The following PLA1A variants were observed in gnomAD, a reference collection of about 807,000 sequenced individuals.
The protein encoded by PLA1A is phosphatidylserine-specific phospholipase A1alpha.
PLA1A carries 47 observed loss-of-function variants against 49.4 expected under a neutral mutation model. That is an observed-to-expected ratio of 0.95 (90% CI 0.75 to 1.21). The LOEUF is 1.21. Ranked by LOEUF, PLA1A falls within the 50% of genes most tolerant of loss-of-function variation. PLA1A has a pLI of 0.00. For synonymous variants in PLA1A, 224 were observed against 207.9 expected (o/e 1.08, Z -0.67); for missense variants, 561 against 563.9 (o/e 0.99, Z 0.05).
rs774957179 is a variant in PLA1A at position 119,619,652 on chromosome 3, A to G, written c.1012A>G (p.Met338Val). The change falls in exon 8 of 11, where the codon ATG (methionine) becomes GTG (valine). Residue 338 changes from methionine (M) to valine (V), a missense_variant and splice_region_variant. Met to Val is a conservative substitution (Grantham distance 21). Transcript: ENST00000273371. ...LLTTSSAPYC[M>V]HHSLVEFHLK... is the part of the protein sequence containing the mutation. ...GACTACTTCCAGTGCTCCGTACTGC[A>G]GTGAGTAGGGGGAAATGCATGAGCT... The G allele has an allele frequency of 1.3e-6, 2 of 1,596,060 alleles. No homozygotes were observed. Among genetic ancestry groups the G allele is most frequent in the East Asian group, 2.2e-5 (1 of 44,778 alleles).
chr3:119,615,767 C>T (rs531791550), intron 5 of PLA1A, among the ~76,000 whole-genome samples: 2 of 151,236 alleles, frequency 1.3e-5, no homozygotes, highest in Non-Finnish European at 2.9e-5. Flanking sequence ...GAGAAGATGG[C>T]GCCACTGCAC....
Position 119,616,432 on chromosome 3 carries a change from T to C in PLA1A, c.754+331T>C, listed in dbSNP as rs188320711. ...CCATATTTACCAACTCAAACAGTCC[T>C]CTAAAATTGTTTTCAAGATGATCTT... is the stretch of plus-strand genomic sequence containing the variant. On this transcript the variant is annotated intron_variant, in intron 6 of 10. Coordinates refer to ENST00000273371, the MANE Select transcript of PLA1A (RefSeq NM_015900.4). Among the ~76,000 whole-genome samples the C allele has an allele frequency of 2.0e-3, 301 of 152,320 alleles. 1 individual carries two copies. The highest frequency in any genetic ancestry group is 7.0e-3 in the African/African-American group (291 of 41,566).
chr3:119,619,231 C>T (rs191328812), intron 7 of PLA1A, among the ~76,000 whole-genome samples: 1 of 152,334 alleles, frequency 6.6e-6, no homozygotes, highest in East Asian at 1.9e-4. Flanking sequence ...CATGCTCCCA[C>T]TGCACGGGAT....
intron 1 of PLA1A, among the ~76,000 whole-genome samples, chr3:119,599,652 T>C (rs1046890605): frequency 1.3e-5 from 2 of 152,148 alleles, no homozygotes; most frequent in African/African-American, 2.4e-5. Flanking sequence ...CAGAAGCTGA[T>C]CAGGTTCCAG....
chr3:119,629,493 C>T lies in PLA1A; in HGVS notation c.*25C>T. On this transcript the variant is annotated 3_prime_UTR_variant, in exon 11 of 11. Coordinates refer to ENST00000273371, the MANE Select transcript of PLA1A (RefSeq NM_015900.4). ...GTTTAACCTGGGCAGGACACATCTC[C>T]CTGCATTTTTTTTTTTTTTTTGAGA... 1 of 1,274,230 alleles carries T rather than the reference C, an allele frequency of 7.8e-7. No individual in the cohort carries two copies. Among genetic ancestry groups the T allele is most frequent in the Non-Finnish European group, 1.1e-6 (1 of 901,610 alleles). The allele number at this position is 1,274,230 out of a possible 1,614,324, so 78.9% of individuals were successfully genotyped here.
At chr3:119,627,537 G>A (rs1230399756) in intron 9 of PLA1A, among the ~76,000 whole-genome samples, 1 of 152,118 alleles carries the variant, frequency 6.6e-6, no homozygotes. Context: ...ACTAACACTG[G>A]ACTAAAAAGA....
In PLA1A at chr3:119,605,599, G is replaced by T. The variant is rs144676079; in HGVS notation, c.74-1175G>T. ...CTGATTCTGTGAATCACTTTGTCTG[G>T]TGGCAGCAATGCTGTGTGGGACTGT... On this transcript the variant is annotated intron_variant, in intron 1 of 10. Coordinates refer to ENST00000273371, the MANE Select transcript of PLA1A (RefSeq NM_015900.4). 1.3e-4 allele frequency among the ~76,000 whole-genome samples: 20 copies of T among 152,336 alleles called. No individual in the cohort carries two copies. In the East Asian group the frequency reaches 3.9e-3, roughly 29 times the overall value.
intron 6 of PLA1A, among the ~76,000 whole-genome samples, chr3:119,617,613 T>C (rs1442389296): frequency 6.6e-6 from 1 of 151,756 alleles, no homozygotes; most frequent in Non-Finnish European, 1.5e-5. Flanking sequence ...CATGGTGGTG[T>C]GCGCCTGTAA....
Position 119,606,814 on chromosome 3 carries a change from C to T in PLA1A, c.114C>T (p.Phe38=), listed in dbSNP as rs2082695281. The T allele has an allele frequency of 1.9e-6, 3 of 1,614,162 alleles. No homozygotes were observed. Among genetic ancestry groups the T allele is most frequent in the Non-Finnish European group, 2.5e-6 (3 of 1,180,012 alleles). The stretch of plus-strand genomic sequence containing the variant: ...CCCCACAGCCAAAGTGCGCTGACTT[C>T]CAGAGCGCCAACCTTTTTGAAGGCA... The part of the protein sequence containing the change: ...PPTPQPKCAD[F]QSANLFEGTD... Residue 38 remains phenylalanine (F), a synonymous_variant, in exon 2 of 11, where the codon TTC becomes TTT. Coordinates refer to ENST00000273371, the MANE Select transcript of PLA1A (RefSeq NM_015900.4).
chr3:119,615,843 AAAG>A (rs1041761060), intron 5 of PLA1A, among the ~76,000 whole-genome samples, 166 bp from the exon 6 acceptor site: 8 of 151,944 alleles, frequency 5.3e-5, no homozygotes, highest in African/African-American at 1.9e-4. Context: ...AAGAAAAAGA[AAAG>A]AAAAGAAAAG....
chr3:119,627,098 C>A (rs1018368535), intron 9 of PLA1A, among the ~76,000 whole-genome samples: 1 of 152,184 alleles, frequency 6.6e-6, no homozygotes, highest in Non-Finnish European at 1.5e-5. Flanking sequence ...GGCTCCACAG[C>A]TACATTTTAA....
intron 8 of PLA1A, among the ~76,000 whole-genome samples, chr3:119,624,627 G>A (rs1312688018): frequency 1.3e-5 from 2 of 151,764 alleles, no homozygotes; most frequent in Admixed American, 1.3e-4. Context: ...TCAGACCTAG[G>A]GTATCTATTT....
chr3:119,598,117 C>A, intron 1 of PLA1A, 131 bp downstream of exon 1: 2 of 538,558 alleles, frequency 3.7e-6, no homozygotes, highest in Admixed American at 3.5e-5. Context: ...GAATTTAAAA[C>A]AGTAGGGGAA....
Position 119,629,698 on chromosome 3 carries a change from A to G in PLA1A, c.*230A>G. On this transcript the variant is annotated 3_prime_UTR_variant, in exon 11 of 11. Transcript: ENST00000273371. Reference sequence around the variant, plus strand: ...TGTACATACCCATTTTAGCTTTCCCATGCATACTTAACTGCACTTGCTTTA... The same window carrying G: ...TGTACATACCCATTTTAGCTTTCCCGTGCATACTTAACTGCACTTGCTTTA... The G allele has an allele frequency of 2.0e-6, 1 of 496,646 alleles. No homozygotes were observed. Among genetic ancestry groups the G allele is most frequent in the Non-Finnish European group, 3.6e-6 (1 of 280,078 alleles). The allele number at this position is 496,646 out of a possible 1,614,324, so 30.8% of individuals were successfully genotyped here.
intron 4 of PLA1A, 98 bp from the exon 5 acceptor site, chr3:119,612,919 G>C (rs1003989911): frequency 1.4e-6 from 1 of 739,370 alleles, no homozygotes; most frequent in African/African-American, 1.8e-5. Flanking sequence ...TTCTGGGAGG[G>C]TCTATGATCT....
chr3:119,628,399 C>T (rs2052574860), intron 9 of PLA1A, among the ~76,000 whole-genome samples: 1 of 152,120 alleles, frequency 6.6e-6, no homozygotes, highest in South Asian at 2.1e-4. Flanking sequence ...AGATCTCCTC[C>T]AGCTAGGAAT....
At chr3:119,613,511 C>T (rs1469327828) in intron 5 of PLA1A, among the ~76,000 whole-genome samples, 1 of 152,206 alleles carries the variant, frequency 6.6e-6, no homozygotes. Flanking sequence ...AGGTACTGGG[C>T]CATTCCACTC....
intron 6 of PLA1A, among the ~76,000 whole-genome samples, chr3:119,617,810 G>T (rs1324223357): frequency 2.0e-5 from 3 of 152,094 alleles, no homozygotes; most frequent in African/African-American, 7.2e-5. Context: ...TTTCTTGATG[G>T]ATTATGCTTA....
rs183169449 is a variant in PLA1A, at chr3:119,607,883, G to A, written c.276-887G>A. Among the ~76,000 whole-genome samples the A allele has an allele frequency of 1.6e-4, 24 of 152,238 alleles. No individual in the cohort carries two copies. The East Asian group carries it at 2.3e-3, about 15-fold the overall frequency. ...CCATTCCCTGGCACACACCCAGTCCGCGCTCCTCTGTCCACACGAGTGTGC... is the reference window on the plus strand; with the variant it reads ...CCATTCCCTGGCACACACCCAGTCCACGCTCCTCTGTCCACACGAGTGTGC... On this transcript the variant is annotated intron_variant, in intron 2 of 10. Coordinates refer to ENST00000273371, the MANE Select transcript of PLA1A (RefSeq NM_015900.4).
Sources: gnomAD v4.1 joint callset for allele counts (sites outside exome capture counted in the v4.1 genomes callset) on GRCh38, gnomAD v4.1.1 for gene constraint, MANE v1.5 for transcripts, NCBI Gene and HGNC (gene_info 2026-07-23, HGNC 2026-07-21) for gene names.